Variants in ST7L observed in about 807,000 individuals in gnomAD.
ST7L encodes the protein suppressor of tumorigenicity 7 protein-like.
In ST7L, 57 loss-of-function variants were observed where a neutral mutation model predicts 72.5. The observed-to-expected ratio is 0.79, with a 90% CI of 0.64 to 0.98. The LOEUF is 0.98. Ranked by LOEUF, ST7L falls within the 50% of genes least tolerant of loss-of-function variation. The pLI, the probability that ST7L is intolerant of heterozygous loss-of-function variation, is 0.00. For missense variants in ST7L, 576 were observed against 672.2 expected, an observed-to-expected ratio of 0.86 and a Z score of 1.58; for synonymous variants, 221 against 240.9, an observed-to-expected ratio of 0.92 and a Z score of 0.77.
intron 11 of ST7L, among the ~76,000 whole-genome samples, chr1:112,558,293 A>G (rs1659523559): frequency 6.6e-6 from 1 of 152,212 alleles, no homozygotes; most frequent in African/African-American, 2.4e-5. Context: ...TCAGGTTGTT[A>G]TACAAACTAA....
chr1:112,614,675 G>A (rs1449022745), intron 2 of ST7L, among the ~76,000 whole-genome samples: 1 of 152,104 alleles, frequency 6.6e-6, no homozygotes, highest in African/African-American at 2.4e-5. Flanking sequence ...GGCTGGGCAT[G>A]GTGGTTCACG....
chr1:112,520,244 T>G (rs764860088), downstream of ST7L: 1 of 1,586,014 alleles, frequency 6.3e-7, no homozygotes, highest in Non-Finnish European at 8.6e-7. Flanking sequence ...GCTGAAGAGA[T>G]AACTTTGTTC....
rs553094688 is a variant in ST7L at position 112,602,755 on chromosome 1, G to A, written c.452-1907C>T. Among the ~76,000 whole-genome samples the A allele has an allele frequency of 3.5e-4, 46 of 129,928 alleles. No homozygotes were observed. The South Asian group carries it at 3.8e-3, about 11-fold the overall frequency. 85.2% of individuals were successfully genotyped at this position (129,928 alleles called of 152,430 possible). A position where few individuals can be genotyped will look rare whatever the true frequency, so the allele number is the denominator to read the frequency against. Reference sequence around the variant, plus strand: ...TTTTGAGACGGAGTCTCTCTCTGTCGCCCAGGCTGGAGTGCAATGGTGCAA... The same window carrying A: ...TTTTGAGACGGAGTCTCTCTCTGTCACCCAGGCTGGAGTGCAATGGTGCAA... On this transcript the variant is annotated intron_variant, in intron 3 of 14. Coordinates refer to ENST00000358039, the MANE Select transcript of ST7L (RefSeq NM_017744.5).
chr1:112,571,638 C>T (rs777814765), intron 11 of ST7L, among the ~76,000 whole-genome samples: 3 of 152,154 alleles, frequency 2.0e-5, no homozygotes, highest in Non-Finnish European at 2.9e-5. Context: ...GTTGGTCAGG[C>T]TGGTCTCGAA....
intron 5 of ST7L, among the ~76,000 whole-genome samples, chr1:112,594,402 G>C (rs1183173975): frequency 2.0e-5 from 3 of 152,068 alleles, no homozygotes; most frequent in African/African-American, 7.2e-5. Context: ...CTTGGCATTG[G>C]AAAGAAAGTA....
At chr1:112,599,413 T>C (rs1667062489) in intron 4 of ST7L, among the ~76,000 whole-genome samples, 1 of 152,108 alleles carries the variant, frequency 6.6e-6, no homozygotes. Flanking sequence ...TGCCTGTACA[T>C]GGTACAAACA....
At chr1:112,520,231 G>A, downstream of ST7L, 1 of 1,546,974 alleles carries the variant, frequency 6.5e-7, no homozygotes, top group Non-Finnish European at 8.9e-7. Context: ...GGTATCCAGG[G>A]CAGCTGAAGA....
At chr1:112,555,425 C>A (rs1658946220) in intron 12 of ST7L, among the ~76,000 whole-genome samples, 1 of 151,984 alleles carries the variant, frequency 6.6e-6, no homozygotes, top group Non-Finnish European at 1.5e-5. Context: ...ATTAGCCGGG[C>A]ATGGTGGCAG....
At chr1:112,611,441 G>A (rs1436075169) in intron 2 of ST7L, among the ~76,000 whole-genome samples, 1 of 152,204 alleles carries the variant, frequency 6.6e-6, no homozygotes, top group Non-Finnish European at 1.5e-5. Context: ...CTGTGGGCAA[G>A]TCACTTAATC....
chr1:112,541,455 A>G (rs796466251), intron 14 of ST7L, among the ~76,000 whole-genome samples: 8 of 152,302 alleles, frequency 5.3e-5, no homozygotes, highest in South Asian at 4.1e-4. Flanking sequence ...AGCAGACACA[A>G]TAACTTGGAG....
chr1:112,519,879 T>TTTTTTTG (rs1652766198), downstream of ST7L, among the ~76,000 whole-genome samples: 1 of 148,640 alleles, frequency 6.7e-6, no homozygotes, highest in South Asian at 2.1e-4. Flanking sequence ...CTTCTTTTTT[T>TTTTTTTG]TTTTTTTTTT....
rs535941504 is a variant in ST7L, at chr1:112,584,612, C to T, written c.702-486G>A. Among the ~76,000 whole-genome samples the T allele has an allele frequency of 3.1e-3, 471 of 152,038 alleles. 2 individuals are homozygous for T. Among genetic ancestry groups the T allele is most frequent in the African/African-American group, 0.011 (439 of 41,492 alleles). On this transcript the variant is annotated intron_variant, in intron 6 of 14. Coordinates refer to ENST00000358039, the MANE Select transcript of ST7L (RefSeq NM_017744.5). ...AAGCAATTCTCCTGCCTCAGCCTCC[C>T]GAGTAGCTGGGATTACAGGCATGCA...
rs12070864 is a variant in ST7L at position 112,617,715 on chromosome 1, T to A, written c.206-820A>T. On this transcript the variant is annotated intron_variant, in intron 1 of 14. Coordinates refer to ENST00000358039, the MANE Select transcript of ST7L (RefSeq NM_017744.5). The stretch of plus-strand genomic sequence containing the variant: ...GGGAGACTCTGTCTGTCTTTCTCTC[T>A]CTCACACACACACACACACACACAC... Among the ~76,000 whole-genome samples, 636 of 123,146 alleles carry A rather than the reference T, an allele frequency of 5.2e-3. 5 individuals are homozygous for A. The highest frequency in any genetic ancestry group is 0.013 in the African/African-American group (391 of 30,970). The allele number at this position is 123,146 out of a possible 152,430, so 80.8% of individuals were successfully genotyped here.
At chr1:112,606,074 G>A (rs368684432) in intron 3 of ST7L, among the ~76,000 whole-genome samples, 17 of 152,140 alleles carry the variant, frequency 1.1e-4, no homozygotes, top group South Asian at 2.1e-4. Context: ...GTGTTTGCTC[G>A]TGTAAACTCA....
At chr1:112,618,860 A>G (rs1228657430) in intron 1 of ST7L, 49 bp downstream of exon 1, 7 of 1,521,086 alleles carry the variant, frequency 4.6e-6, no homozygotes, top group Non-Finnish European at 6.2e-6. Flanking sequence ...CTTGCCCCCG[A>G]CATCTCTCCT....
At position 112,542,056 on chromosome 1, in the gene ST7L, C is replaced by T. The variant is rs1184959828; in HGVS notation, c.1524G>A (p.Glu508=). ...FHHVSVYPKK[E]LPLFIHFTAG... ...CTGTGAAATGGATGAACAAAGGAAG[C>T]TCCTTTTTTGGGTAAACAGAAACAT... Residue 508 remains glutamate (E), a synonymous_variant, in exon 14 of 15, where the codon GAG becomes GAA. Transcript: ENST00000358039. The T allele has an allele frequency of 1.2e-6, 2 of 1,612,142 alleles. No individual in the cohort carries two copies. The highest frequency in any genetic ancestry group is 1.7e-5 in the Admixed American group (1 of 59,624).
At chr1:112,520,357 C>T, downstream of ST7L, 4 of 1,614,042 alleles carry the variant, frequency 2.5e-6, no homozygotes, top group East Asian at 2.2e-5. Flanking sequence ...GTGCTGTGGC[C>T]GAGGGTACGA....
intron 2 of ST7L, among the ~76,000 whole-genome samples, chr1:112,612,855 T>C (rs376192491): frequency 1.3e-5 from 2 of 152,080 alleles, no homozygotes; most frequent in South Asian, 4.1e-4. Context: ...CGGTGGCTCA[T>C]GCCTATAATC....
intron 14 of ST7L, among the ~76,000 whole-genome samples, chr1:112,539,458 C>T (rs923744047): frequency 5.3e-5 from 8 of 152,056 alleles, no homozygotes; most frequent in Non-Finnish European, 1.2e-4. Flanking sequence ...AAGTTCGAGA[C>T]CAGCCTGGCC....
Sources: allele counts gnomAD v4.1 joint callset (sites outside exome capture counted in the v4.1 genomes callset), GRCh38; gene constraint gnomAD v4.1.1; transcripts MANE v1.5; gene names NCBI Gene and HGNC (gene_info 2026-07-23, HGNC 2026-07-21).